The following PRRC2B variants were observed in gnomAD, a reference collection of about 807,000 sequenced individuals.
PRRC2B encodes the protein protein PRRC2B.
A neutral mutation model predicts 242.3 loss-of-function variants in PRRC2B; 68 were observed. The observed-to-expected ratio is 0.28, with a 90% CI of 0.23 to 0.34. PRRC2B has a LOEUF of 0.34. Ranked by LOEUF, PRRC2B falls within the 10% of genes least tolerant of loss-of-function variation. PRRC2B has a pLI of 1.00. For synonymous variants in PRRC2B, 1,228 were observed against 1,173.6 expected (o/e 1.05, Z -0.95); for missense variants, 2,835 against 2,954.8 (o/e 0.96, Z 0.94).
At chr9:131,423,870 A>G (rs904037295) in intron 1 of PRRC2B, among the ~76,000 whole-genome samples, 27 of 151,806 alleles carry the variant, frequency 1.8e-4, no homozygotes, top group Non-Finnish European at 3.8e-4. Context: ...AAGTTTATAT[A>G]GGAAAATAGG....
At chr9:131,429,031 C>T (rs1021391072) in intron 1 of PRRC2B, among the ~76,000 whole-genome samples, 5 of 152,190 alleles carry the variant, frequency 3.3e-5, no homozygotes, top group African/African-American at 1.2e-4. Context: ...TCTTGACTCA[C>T]TGCAGCCCAG....
chr9:131,384,795 T>A (rs1374060980), intron 1 of PRRC2B, among the ~76,000 whole-genome samples: 2 of 152,100 alleles, frequency 1.3e-5, no homozygotes, highest in Non-Finnish European at 2.9e-5. Flanking sequence ...CCTCAAGTGA[T>A]CCACCCACCT....
intron 3 of PRRC2B, among the ~76,000 whole-genome samples, chr9:131,434,235 A>G (rs1838269873): frequency 6.6e-6 from 1 of 152,218 alleles, no homozygotes; most frequent in African/African-American, 2.4e-5. Flanking sequence ...CATTCACACC[A>G]TGAGCTCTGG....
chr9:131,395,869 G>C (rs937781380), intron 1 of PRRC2B, among the ~76,000 whole-genome samples: 4 of 152,188 alleles, frequency 2.6e-5, no homozygotes, highest in Non-Finnish European at 4.4e-5. Flanking sequence ...TCAGTTTAAG[G>C]CAGGGTTAGA....
intron 9 of PRRC2B, chr9:131,448,029 T>TA (rs1180076968): frequency 2.5e-6 from 1 of 404,302 alleles, no homozygotes; most frequent in African/African-American, 2.0e-5. Context: ...GTCTTGATCT[T>TA]AGAGTTTTGT....
At chr9:131,423,178 G>C (rs565737793) in intron 1 of PRRC2B, among the ~76,000 whole-genome samples, 1 of 152,332 alleles carries the variant, frequency 6.6e-6, no homozygotes, top group African/African-American at 2.4e-5. Context: ...CCATAAGCCA[G>C]GTTTGACTTA....
At position 131,487,062 on chromosome 9, in the gene PRRC2B, CAGTGTTCCAGCAGCCATGTGGAG is replaced by C; in HGVS notation, c.5857-102_5857-80del. The C allele has an allele frequency of 1.0e-6, 1 of 954,904 alleles. No homozygotes were observed. The highest frequency in any genetic ancestry group is 1.6e-6 in the Non-Finnish European group (1 of 614,068). The allele number at this position is 954,904 out of a possible 1,614,324, so 59.2% of individuals were successfully genotyped here. A position where few individuals can be genotyped will look rare whatever the true frequency, so the allele number is the denominator to read the frequency against. On this transcript the variant is annotated intron_variant, in intron 26 of 31. Transcript: ENST00000683519. This position sits in a 1 kb window ranked among gnomAD's most constrained non-coding sequence, Gnocchi z 5.3. ...GACATGCTGGCATTTGAATTTTGGG[CAGTGTTCCAGCAGCCATGTGGAG>C]AGGGGCAGGGGAGGTGGGAGGGGAA...
chr9:131,482,971 T>TG lies in PRRC2B; in HGVS notation c.5373+69dup, dbSNP rs1564299962. The stretch of plus-strand genomic sequence containing the variant: ...TTTTTATTTTGGTACTTGGAGAGGC[T>TG]GGGGGCTCAGATGGGATTGTCTCCT... On this transcript the variant is annotated intron_variant, in intron 22 of 31. Transcript: ENST00000683519. The surrounding 1 kb of genome is among the most constrained non-coding windows in gnomAD (Gnocchi z 5.2). The TG allele has an allele frequency of 2.6e-6, 4 of 1,531,576 alleles. No homozygotes were observed. The African/African-American group carries it at 5.5e-5, about 21-fold the overall frequency. 94.9% of individuals were successfully genotyped at this position (1,531,576 alleles called of 1,614,324 possible).
rs1331329484 is a variant in PRRC2B at position 131,486,156 on chromosome 9, A to G, written c.5830A>G (p.Ile1944Val). ...TCAGCCCCGGCTGGTTCCTCAAACGATACCTCAGCAGCAGAGTTACCAACA... is the reference window on the plus strand; with the variant it reads ...TCAGCCCCGGCTGGTTCCTCAAACGGTACCTCAGCAGCAGAGTTACCAACA... ...ASQPRLVPQT[I>V]PQQQSYQQAA... The change falls in exon 26 of 32, where the codon ATA (isoleucine) becomes GTA (valine). Residue 1944 changes from isoleucine to valine, a missense_variant. Coordinates refer to ENST00000683519, the MANE Select transcript of PRRC2B (RefSeq NM_013318.4). The G allele has an allele frequency of 1.2e-6, 2 of 1,612,112 alleles. No homozygotes were observed. The highest frequency in any genetic ancestry group is 8.5e-7 in the Non-Finnish European group (1 of 1,178,998).
chr9:131,462,956 A>G (rs948430609), intron 11 of PRRC2B, among the ~76,000 whole-genome samples: 1 of 148,908 alleles, frequency 6.7e-6, no homozygotes, highest in South Asian at 2.1e-4. Context: ...GACGGTGTAC[A>G]TGTGCCCTCT....
intron 16 of PRRC2B, among the ~76,000 whole-genome samples, chr9:131,476,841 C>T (rs771091574): frequency 1.1e-4 from 17 of 152,004 alleles, no homozygotes; most frequent in Non-Finnish European, 1.5e-4. Context: ...CAGCGAGGAA[C>T]GTTGCCTGTG....
At chr9:131,421,780 A>C (rs1837848640) in intron 1 of PRRC2B, among the ~76,000 whole-genome samples, 1 of 152,196 alleles carries the variant, frequency 6.6e-6, no homozygotes, top group South Asian at 2.1e-4. Context: ...GCATGGCGTA[A>C]ATAAAATGCT....
chr9:131,393,868 A>G (rs1275023659), upstream of PRRC2B, among the ~76,000 whole-genome samples: 1 of 127,266 alleles, frequency 7.9e-6, no homozygotes, highest in African/African-American at 2.9e-5. Flanking sequence ...CCCCACTCCC[A>G]GCCCCCTCCC....
intron 1 of PRRC2B, among the ~76,000 whole-genome samples, chr9:131,385,151 G>GCGC (rs1554756386): frequency 2.7e-5 from 4 of 150,090 alleles, no homozygotes; most frequent in Admixed American, 1.4e-4. Context: ...GGGATTACAG[G>GCGC]CATGAGCTAC....
At chr9:131,456,982 T>C (rs1943101441) in intron 10 of PRRC2B, among the ~76,000 whole-genome samples, 1 of 152,270 alleles carries the variant, frequency 6.6e-6, no homozygotes, top group African/African-American at 2.4e-5. Flanking sequence ...GCTTTGCTGT[T>C]GGTCTTGCAA....
chr9:131,435,714 C>T (rs1016461481), intron 3 of PRRC2B, among the ~76,000 whole-genome samples: 63 of 152,072 alleles, frequency 4.1e-4, no homozygotes, highest in African/African-American at 1.5e-3. Flanking sequence ...AAATTATGAC[C>T]TGTCTAGTTG....
intron 1 of PRRC2B, among the ~76,000 whole-genome samples, chr9:131,416,907 T>G (rs1448862586): frequency 6.6e-6 from 1 of 152,206 alleles, no homozygotes; most frequent in Non-Finnish European, 1.5e-5. Flanking sequence ...TGTGGTATCT[T>G]CTCTTGATTT....
chr9:131,466,028 A>AC lies in PRRC2B; in HGVS notation c.1720+951dup, dbSNP rs535138796. 2.5e-3 allele frequency among the ~76,000 whole-genome samples: 382 copies of AC among 152,368 alleles called. 3 individuals carry two copies. The highest frequency in any genetic ancestry group is 7.9e-3 in the African/African-American group (328 of 41,592). The stretch of plus-strand genomic sequence containing the variant: ...GCGTGAGCCACTGTGCCTGGGCAAC[A>AC]CGGCCCTATTTAAGAGTAATGAAGC... On this transcript the variant is annotated intron_variant, in intron 12 of 31. Coordinates refer to ENST00000683519, the MANE Select transcript of PRRC2B (RefSeq NM_013318.4).
chr9:131,383,543 C>T (rs562984510), intron 1 of PRRC2B, among the ~76,000 whole-genome samples: 7 of 151,808 alleles, frequency 4.6e-5, no homozygotes, highest in South Asian at 2.1e-4. Context: ...AGAAAGCTCA[C>T]GAAATCAGTC....
Sources: allele counts gnomAD v4.1 joint callset (sites outside exome capture counted in the v4.1 genomes callset), GRCh38; gene constraint gnomAD v4.1.1; non-coding constraint Gnocchi (gnomAD v3.1); transcripts MANE v1.5; gene names NCBI Gene and HGNC (gene_info 2026-07-23, HGNC 2026-07-21).